The following SYN3 variants were observed in gnomAD, a reference collection of about 807,000 sequenced individuals.
SYN3 encodes synapsin III.
In SYN3, 35 loss-of-function variants were observed where a neutral mutation model predicts 65.8. That is an observed-to-expected ratio of 0.53 (90% CI 0.41 to 0.70). The LOEUF (loss-of-function observed/expected upper bound fraction) is 0.70, where lower values mean the gene tolerates loss of function less well. Among genes scored for constraint, SYN3 ranks in the 30% least tolerant of loss-of-function variants. The pLI is 0.00. For missense variants in SYN3, 680 were observed against 749.0 expected (o/e 0.91, Z 1.08); for synonymous variants, 270 against 292.9 (o/e 0.92, Z 0.80).
intron 6 of SYN3, among the ~76,000 whole-genome samples, chr22:32,780,730 TC>T (rs1390703537): frequency 6.6e-6 from 1 of 152,160 alleles, no homozygotes; most frequent in African/African-American, 2.4e-5. Context: ...CTACTGAACT[TC>T]CTGTGCCTTA....
At chr22:33,048,613 C>A (rs2054107818) in intron 1 of SYN3, among the ~76,000 whole-genome samples, 1 of 152,132 alleles carries the variant, frequency 6.6e-6, no homozygotes, top group African/African-American at 2.4e-5. Context: ...TCTCTCTCAC[C>A]ATGTGATATG....
intron 3 of SYN3, among the ~76,000 whole-genome samples, chr22:32,944,096 C>T (rs12158682): frequency 0.01 from 1,536 of 152,250 alleles, 23 homozygotes; most frequent in African/African-American, 0.035. Context: ...ACCAAGTGGA[C>T]GTAATAGACA....
At chr22:32,518,360 C>G in intron 12 of SYN3, 26 bp from the exon 13 acceptor site, 1 of 1,609,574 alleles carries the variant, frequency 6.2e-7, no homozygotes, top group Non-Finnish European at 8.5e-7. Context: ...AAAAAAGGTT[C>G]AGTTCAATTT....
At chr22:32,565,476 C>CCA (rs2058660243) in intron 7 of SYN3, among the ~76,000 whole-genome samples, 4 of 150,350 alleles carry the variant, frequency 2.7e-5, no homozygotes, top group Non-Finnish European at 4.4e-5. Context: ...TACGTATATA[C>CCA]ATATATAAAA....
At chr22:32,992,844 C>T (rs2052761335) in intron 2 of SYN3, among the ~76,000 whole-genome samples, 1 of 152,074 alleles carries the variant, frequency 6.6e-6, no homozygotes, top group Admixed American at 6.6e-5. Flanking sequence ...ATAAATTCAT[C>T]TCCTGAGCTC....
At chr22:32,936,715 A>G (rs2050786364) in intron 3 of SYN3, among the ~76,000 whole-genome samples, 1 of 152,216 alleles carries the variant, frequency 6.6e-6, no homozygotes, top group Non-Finnish European at 1.5e-5. Flanking sequence ...AAAATTTCAT[A>G]GTGGGACTGA....
chr22:32,744,886 A>T (rs1189768640), intron 6 of SYN3, among the ~76,000 whole-genome samples: 2 of 152,154 alleles, frequency 1.3e-5, no homozygotes, highest in Admixed American at 6.5e-5. Context: ...GAGCAGAGAG[A>T]GGAGAGTGGG....
intron 1 of SYN3, among the ~76,000 whole-genome samples, chr22:33,009,613 A>G (rs995867289): frequency 3.3e-5 from 5 of 152,118 alleles, no homozygotes; most frequent in African/African-American, 1.2e-4. Flanking sequence ...GAATAAAACA[A>G]CTCTTAAAAA....
At position 32,522,868 on chromosome 22, in the gene SYN3, T is replaced by C. The variant is rs2146103004; in HGVS notation, c.1319-4534A>G. Among the ~76,000 whole-genome samples, 2 of 152,228 alleles carry C rather than the reference T, an allele frequency of 1.3e-5. 1 individual carries two copies. Among genetic ancestry groups the C allele is most frequent in the East Asian group, 3.9e-4 (2 of 5,168 alleles). ...GACTTGCCTAACACTGCAAAGGCAGTGAGATACGGAACTGGATTCAAACAC... is the reference window on the plus strand; with the variant it reads ...GACTTGCCTAACACTGCAAAGGCAGCGAGATACGGAACTGGATTCAAACAC... On this transcript the variant is annotated intron_variant, in intron 12 of 13. Coordinates refer to ENST00000358763, the MANE Select transcript of SYN3 (RefSeq NM_003490.4).
At chr22:32,889,425 A>G (rs1302600102) in intron 4 of SYN3, among the ~76,000 whole-genome samples, 1 of 152,164 alleles carries the variant, frequency 6.6e-6, no homozygotes, top group Non-Finnish European at 1.5e-5. Context: ...AAGGAAAAAA[A>G]AAAAACAAAA....
chr22:32,958,971 T>C (rs1040462356), intron 3 of SYN3, among the ~76,000 whole-genome samples: 2 of 152,104 alleles, frequency 1.3e-5, no homozygotes, highest in Admixed American at 6.5e-5. Context: ...GGCGGGTGGA[T>C]GACTTGAGGT....
chr22:32,754,564 T>G (rs1039123238), intron 6 of SYN3, among the ~76,000 whole-genome samples: 2 of 152,218 alleles, frequency 1.3e-5, no homozygotes, highest in African/African-American at 4.8e-5. Context: ...ACCTGATATG[T>G]GAAGAGTTGG....
At chr22:32,629,925 G>T (rs1306025794) in intron 6 of SYN3, 1 of 151,658 alleles carries the variant, frequency 6.6e-6, no homozygotes, top group Non-Finnish European at 1.5e-5. Flanking sequence ...AAAAATCTGA[G>T]AAGGTGCCTG....
intron 1 of SYN3, among the ~76,000 whole-genome samples, chr22:33,013,914 T>C (rs1419816513): frequency 6.6e-6 from 1 of 151,994 alleles, no homozygotes; most frequent in Non-Finnish European, 1.5e-5. Flanking sequence ...CCTCCTTTTT[T>C]TTTGGTCTGA....
At chr22:32,689,976 G>C (rs1192380254) in intron 6 of SYN3, among the ~76,000 whole-genome samples, 1 of 152,132 alleles carries the variant, frequency 6.6e-6, no homozygotes, top group African/African-American at 2.4e-5. Context: ...AGGAGTTTGA[G>C]ACCAGCCTGG....
intron 1 of SYN3, among the ~76,000 whole-genome samples, chr22:33,023,138 CCAG>C (rs1239523180): frequency 6.6e-6 from 1 of 152,114 alleles, no homozygotes; most frequent in Non-Finnish European, 1.5e-5. Context: ...TTGCTTGAGT[CCAG>C]GAGTTTGAGA....
Position 32,550,904 on chromosome 22 carries a change from A to G in SYN3, c.775-9191T>C, listed in dbSNP as rs958791974. Among the ~76,000 whole-genome samples the G allele has an allele frequency of 7.2e-5, 11 of 152,298 alleles. No homozygotes were observed. In the South Asian group the frequency reaches 1.2e-3, roughly 17 times the overall value. Reference sequence around the variant, plus strand: ...CAAGAAGACACATAAATCAACTCAAAAGGGCTCCCATTAGCCAAAGATGGG... The same window carrying G: ...CAAGAAGACACATAAATCAACTCAAGAGGGCTCCCATTAGCCAAAGATGGG... On this transcript the variant is annotated intron_variant, in intron 7 of 13. Coordinates refer to ENST00000358763, the MANE Select transcript of SYN3 (RefSeq NM_003490.4).
intron 3 of SYN3, among the ~76,000 whole-genome samples, chr22:32,941,361 T>G (rs1455022448): frequency 6.6e-6 from 1 of 152,234 alleles, no homozygotes; most frequent in Non-Finnish European, 1.5e-5. Flanking sequence ...TTTAACATTT[T>G]AACTTCTTTT....
At chr22:32,927,683 CT>C (rs1427742065) in intron 4 of SYN3, among the ~76,000 whole-genome samples, 1 of 152,068 alleles carries the variant, frequency 6.6e-6, no homozygotes, top group Non-Finnish European at 1.5e-5. Context: ...ATTTTATTGT[CT>C]TTTGAAGACA....
Sources: allele counts gnomAD v4.1 joint callset (sites outside exome capture counted in the v4.1 genomes callset), GRCh38; gene constraint gnomAD v4.1.1; transcripts MANE v1.5; gene names NCBI Gene and HGNC (gene_info 2026-07-23, HGNC 2026-07-21).